Variants in ERC1 observed in about 807,000 individuals in gnomAD.
ERC1 encodes ELKS/RAB6-interacting/CAST family member 1.
Under a neutral mutation model 132.0 loss-of-function variants are expected in ERC1, and 56 were observed. That is an observed-to-expected ratio of 0.42 (90% CI 0.34 to 0.53). The LOEUF (loss-of-function observed/expected upper bound fraction) is 0.53, where lower values mean the gene tolerates loss of function less well. ERC1 is among the 20% of genes least tolerant of loss of function. The pLI is 0.03. For synonymous variants in ERC1, 478 were observed against 476.1 expected (o/e 1.00, Z -0.05); for missense variants, 1,202 against 1,349.9 (o/e 0.89, Z 1.72).
At chr12:1,448,005 C>G (rs2093345357) in intron 18 of ERC1, among the ~76,000 whole-genome samples, 1 of 152,040 alleles carries the variant, frequency 6.6e-6, no homozygotes, top group Admixed American at 6.5e-5. Flanking sequence ...TTTCAATATG[C>G]CTAGATGGAC....
intron 8 of ERC1, among the ~76,000 whole-genome samples, chr12:1,174,047 G>T (rs1269436064): frequency 6.6e-6 from 1 of 152,144 alleles, no homozygotes; most frequent in Non-Finnish European, 1.5e-5. Context: ...GCTGGATTCA[G>T]TGGGGGCTCA....
At chr12:1,093,303 G>A (rs1023976483) in intron 3 of ERC1, among the ~76,000 whole-genome samples, 2 of 152,006 alleles carry the variant, frequency 1.3e-5, no homozygotes, top group African/African-American at 4.8e-5. Context: ...CTTAGCTTTT[G>A]TATTATTTCG....
rs781273848 is a variant in ERC1, at chr12:1,408,217, T to G, written c.2994T>G (p.Asn998Lys). 1 of 1,613,894 alleles carries G rather than the reference T, an allele frequency of 6.2e-7. No individual in the cohort carries two copies. Residue 998 changes from asparagine to lysine, a missense_variant, in exon 17 of 19, where the codon AAT (asparagine) becomes AAG (lysine). Transcript: ENST00000360905. ...ACCACTTCAAATCCTCCCATTCCAA[T>G]CAAACAAATCACAAGCCCTCCCCAG... ...EDDHFKSSHS[N>K]QTNHKPSPDQ...
chr12:1,293,538 A>AGAATCACTT lies in ERC1; in HGVS notation c.2780+3530_2780+3538dup, dbSNP rs1452152474. 3.8e-5 allele frequency among the ~76,000 whole-genome samples: 5 copies of AGAATCACTT among 130,448 alleles called. 1 individual carries two copies. The highest frequency in any genetic ancestry group is 1.7e-5 in the Non-Finnish European group (1 of 57,746). 85.6% of individuals were successfully genotyped at this position (130,448 alleles called of 152,430 possible). A position where few individuals can be genotyped will look rare whatever the true frequency, so the allele number is the denominator to read the frequency against. ...CAGCTACTCAGGAGGCCGAGGCAGG[A>AGAATCACTT]GAATCACTTGAACCCAGGAGGCGGA... On this transcript the variant is annotated intron_variant, in intron 15 of 18. Transcript: ENST00000360905.
chr12:1,260,448 G>A (rs2077070845), intron 13 of ERC1, among the ~76,000 whole-genome samples: 1 of 152,194 alleles, frequency 6.6e-6, no homozygotes, highest in South Asian at 2.1e-4. Flanking sequence ...TTTTGCAAGA[G>A]CGAGGACAAG....
At chr12:1,181,817 T>A (rs1954505100) in intron 9 of ERC1, 108 bp from the exon 10 acceptor site, 3 of 1,195,092 alleles carry the variant, frequency 2.5e-6, no homozygotes, top group East Asian at 5.1e-5. Context: ...TTTAAAAACT[T>A]ACCATTGTCT....
At chr12:1,353,354 G>A (rs932493756) in intron 15 of ERC1, among the ~76,000 whole-genome samples, 10 of 152,180 alleles carry the variant, frequency 6.6e-5, no homozygotes, top group Admixed American at 2.6e-4. Context: ...TAACGCTAAA[G>A]AGACAGGAGA....
intron 1 of ERC1, chr12:1,027,370 T>C (rs1166999032): frequency 6.6e-6 from 1 of 152,426 alleles, no homozygotes; most frequent in Non-Finnish European, 1.5e-5. Flanking sequence ...TTTATACTTC[T>C]TGTTTTTTTT....
At chr12:1,153,484 A>G (rs1951022714) in intron 8 of ERC1, among the ~76,000 whole-genome samples, 1 of 152,206 alleles carries the variant, frequency 6.6e-6, no homozygotes, top group Non-Finnish European at 1.5e-5. Context: ...GGGAGCTTTT[A>G]AAATTAGAGA....
intron 1 of ERC1, among the ~76,000 whole-genome samples, chr12:1,025,768 C>A (rs919571931): frequency 6.6e-6 from 1 of 151,102 alleles, no homozygotes; most frequent in Non-Finnish European, 1.5e-5. Flanking sequence ...CAGACATACC[C>A]GAGACTAGGT....
At chr12:1,172,576 A>T (rs2968871) in intron 8 of ERC1, among the ~76,000 whole-genome samples, 125 of 152,280 alleles carry the variant, frequency 8.2e-4, no homozygotes, top group African/African-American at 3.0e-3. Context: ...CCCCCCTTCT[A>T]TTATCATTGA....
chr12:1,360,472 G>A (rs1566675818), intron 15 of ERC1, among the ~76,000 whole-genome samples: 1 of 152,166 alleles, frequency 6.6e-6, no homozygotes, highest in African/African-American at 2.4e-5. Context: ...GAGCCAGTTT[G>A]CAGGATGCCC....
intron 14 of ERC1, among the ~76,000 whole-genome samples, chr12:1,273,582 A>C (rs1402393904): frequency 6.6e-6 from 1 of 152,200 alleles, no homozygotes; most frequent in East Asian, 1.9e-4. Context: ...GCCTCTAGCC[A>C]CGTTTCTGTT....
At chr12:1,042,349 T>TC (rs1188150428) in intron 2 of ERC1, among the ~76,000 whole-genome samples, 2 of 142,292 alleles carry the variant, frequency 1.4e-5, no homozygotes, top group Non-Finnish European at 3.1e-5. Context: ...TTTTTTTTTT[T>TC]TTTTTTTCTT....
intron 12 of ERC1, among the ~76,000 whole-genome samples, chr12:1,198,816 A>C (rs1427791035): frequency 6.6e-6 from 1 of 152,154 alleles, no homozygotes; most frequent in Non-Finnish European, 1.5e-5. Context: ...ACACTTTCAA[A>C]CAACCAGATC....
At chr12:1,319,814 C>A (rs1469415924) in intron 15 of ERC1, among the ~76,000 whole-genome samples, 1 of 152,062 alleles carries the variant, frequency 6.6e-6, no homozygotes, top group African/African-American at 2.4e-5. Context: ...TATTTAAATT[C>A]TGTATTTTTT....
chr12:1,097,515 A>G (rs990024225), intron 3 of ERC1, among the ~76,000 whole-genome samples: 1 of 151,854 alleles, frequency 6.6e-6, no homozygotes, highest in African/African-American at 2.4e-5. Context: ...TCCCAGCCCT[A>G]TGGGGTTCAG....
intron 1 of ERC1, chr12:1,027,276 A>G (rs189315250): frequency 6.6e-6 from 1 of 152,374 alleles, no homozygotes; most frequent in East Asian, 1.9e-4. Flanking sequence ...CTGTTATTCT[A>G]ATAACTTGTC....
At chr12:1,223,545 A>G (rs929900735) in intron 12 of ERC1, among the ~76,000 whole-genome samples, 2 of 152,234 alleles carry the variant, frequency 1.3e-5, no homozygotes, top group African/African-American at 2.4e-5. Context: ...CACACTTTAG[A>G]TAGCAAGATG....
Sources: allele counts gnomAD v4.1 joint callset (sites outside exome capture counted in the v4.1 genomes callset), GRCh38; gene constraint gnomAD v4.1.1; transcripts MANE v1.5; gene names NCBI Gene and HGNC (gene_info 2026-07-23, HGNC 2026-07-21).